PDE3A: variants seen among roughly 807,000 people sequenced by gnomAD.
PDE3A encodes the protein phosphodiesterase 3A.
A neutral mutation model predicts 98.3 loss-of-function variants in PDE3A; 43 were observed. That is an observed-to-expected ratio of 0.44 (90% CI 0.34 to 0.56). The LOEUF is 0.56. Ranked by LOEUF, PDE3A falls within the 20% of genes least tolerant of loss-of-function variation. The pLI is 0.01. For synonymous variants in PDE3A, 663 were observed against 567.9 expected, an observed-to-expected ratio of 1.17 and a Z score of -2.38; for missense variants, 1,427 against 1,440.7, an observed-to-expected ratio of 0.99 and a Z score of 0.15.
chr12:20,625,267 T>A (rs957609910), intron 5 of PDE3A, among the ~76,000 whole-genome samples: 1 of 152,196 alleles, frequency 6.6e-6, no homozygotes, highest in Admixed American at 6.5e-5. Context: ...GTATTTTCAA[T>A]TTTGCTCTTC....
intron 1 of PDE3A, among the ~76,000 whole-genome samples, chr12:20,542,021 G>A (rs1006835103): frequency 6.6e-6 from 1 of 152,028 alleles, no homozygotes; most frequent in African/African-American, 2.4e-5. Context: ...GCCAAGGGTC[G>A]CGTAATGGGG....
At chr12:20,393,893 A>G (rs1315028488) in intron 1 of PDE3A, among the ~76,000 whole-genome samples, 1 of 151,926 alleles carries the variant, frequency 6.6e-6, no homozygotes, top group Non-Finnish European at 1.5e-5. Flanking sequence ...TGTTCTCTCT[A>G]GGGCACCTCC....
At chr12:20,669,170 G>A (rs1220713778) in intron 15 of PDE3A, among the ~76,000 whole-genome samples, 2 of 151,882 alleles carry the variant, frequency 1.3e-5, no homozygotes, top group Admixed American at 6.6e-5. Context: ...AAAGAAACGA[G>A]CAAAGCCTCC....
Position 20,370,166 on chromosome 12 carries a change from C to T in PDE3A, c.882C>T (p.Ser294=), listed in dbSNP as rs760418548. 16 of 1,612,368 alleles carry T rather than the reference C, an allele frequency of 9.9e-6. No homozygotes were observed. The African/African-American group carries it at 1.2e-4, about 12-fold the overall frequency. Residue 294 remains serine (S), a synonymous_variant, in exon 1 of 16, where the codon TCC becomes TCT. Coordinates refer to ENST00000359062, the MANE Select transcript of PDE3A (RefSeq NM_000921.5). Reference sequence around the variant, plus strand: ...TTAAGAGGAGGAGGCGGTCCAGCTCCGTCGTGTCCGCCGAGATGTCCGGCT... The same window carrying T: ...TTAAGAGGAGGAGGCGGTCCAGCTCTGTCGTGTCCGCCGAGATGTCCGGCT... ...PVFKRRRRSS[S]VVSAEMSGCS...
intron 2 of PDE3A, among the ~76,000 whole-genome samples, chr12:20,598,854 T>C (rs948814656): frequency 6.6e-6 from 1 of 152,206 alleles, no homozygotes; most frequent in Non-Finnish European, 1.5e-5. Flanking sequence ...CCTGGGACAT[T>C]CATGCTGTGA....
chr12:20,551,814 G>C, intron 1 of PDE3A: 1 of 1,613,980 alleles, frequency 6.2e-7, no homozygotes, highest in East Asian at 2.2e-5. Flanking sequence ...CCTCACAGCG[G>C]GACTGGGACA....
chr12:20,433,792 T>C (rs1029016918), intron 1 of PDE3A, among the ~76,000 whole-genome samples: 9 of 152,174 alleles, frequency 5.9e-5, no homozygotes, highest in Admixed American at 3.9e-4. Context: ...GCCTTCAGAT[T>C]CATTGTTTGT....
chr12:20,633,849 G>A, intron 7 of PDE3A, 71 bp downstream of exon 7: 3 of 902,242 alleles, frequency 3.3e-6, no homozygotes, highest in South Asian at 1.6e-5. Context: ...GATCAAAACA[G>A]TGATCTACAT....
chr12:20,384,207 T>C (rs1943708998), intron 1 of PDE3A, among the ~76,000 whole-genome samples: 1 of 151,352 alleles, frequency 6.6e-6, no homozygotes, highest in Non-Finnish European at 1.5e-5. Context: ...TTTTCTCTAA[T>C]TTTATCTTCT....
chr12:20,669,309 G>A (rs1387801859), intron 15 of PDE3A, among the ~76,000 whole-genome samples: 1 of 152,098 alleles, frequency 6.6e-6, no homozygotes. Flanking sequence ...CCCCAATCTA[G>A]CAAGGCAGGC....
intron 15 of PDE3A, among the ~76,000 whole-genome samples, chr12:20,654,801 C>G (rs572137817): frequency 6.6e-6 from 1 of 151,958 alleles, no homozygotes; most frequent in South Asian, 2.1e-4. Flanking sequence ...CGTGAGCCAC[C>G]GCGCCCAGCT....
chr12:20,433,543 A>G (rs1944731914), intron 1 of PDE3A, among the ~76,000 whole-genome samples: 1 of 152,184 alleles, frequency 6.6e-6, no homozygotes. Flanking sequence ...TACTCTCTCA[A>G]GGAAGCTGTG....
chr12:20,580,331 C>G (rs1025678569), intron 2 of PDE3A, among the ~76,000 whole-genome samples: 9 of 152,042 alleles, frequency 5.9e-5, no homozygotes, highest in Admixed American at 2.0e-4. Context: ...AATAATAAGG[C>G]ACACAAAAAT....
chr12:20,470,835 G>C (rs1465121105), intron 1 of PDE3A, among the ~76,000 whole-genome samples: 1 of 151,998 alleles, frequency 6.6e-6, no homozygotes, highest in African/African-American at 2.4e-5. Flanking sequence ...TTTGGTGAAG[G>C]GGCCTTTGGC....
intron 15 of PDE3A, among the ~76,000 whole-genome samples, chr12:20,677,953 G>T (rs1945684061): frequency 6.6e-6 from 1 of 151,150 alleles, no homozygotes; most frequent in Non-Finnish European, 1.5e-5. Context: ...ATTTTGCTGG[G>T]GACAGGGATG....
At position 20,369,378 on chromosome 12, in the gene PDE3A, C is replaced by A. The variant is rs1362263603; in HGVS notation, c.94C>A (p.Arg32Ser). 6.5e-7 allele frequency: 1 copy of A among 1,550,164 alleles called. No individual in the cohort carries two copies. Among genetic ancestry groups the A allele is most frequent in the Admixed American group, 1.9e-5 (1 of 51,298 alleles). ...CACGGCGGGCCGGGACTGCCACCATCGTGCGGACCCCGCATCGCCGCGGGA... is the reference window on the plus strand; with the variant it reads ...CACGGCGGGCCGGGACTGCCACCATAGTGCGGACCCCGCATCGCCGCGGGA... ...APTAGRDCHH[R>S]ADPASPRDSG... The change falls in exon 1 of 16, where the codon CGT becomes AGT. Residue 32 changes from arginine (R) to serine (S), a missense_variant. Physicochemically the swap from Arg to Ser is moderately radical, Grantham distance 110 (BLOSUM62 -1). Transcript: ENST00000359062.
intron 2 of PDE3A, among the ~76,000 whole-genome samples, chr12:20,563,716 C>T (rs981511771): frequency 2.6e-5 from 4 of 152,086 alleles, no homozygotes; most frequent in Non-Finnish European, 4.4e-5. Context: ...CTTATACTAA[C>T]GGGGACCACA....
chr12:20,664,386 C>A (rs112590655), intron 15 of PDE3A, among the ~76,000 whole-genome samples: 11 of 152,258 alleles, frequency 7.2e-5, no homozygotes, highest in African/African-American at 2.4e-4. Flanking sequence ...TGGAAAAGAA[C>A]AGACCTCTCT....
intron 1 of PDE3A, among the ~76,000 whole-genome samples, chr12:20,505,509 ATTTAC>A (rs1946101579): frequency 1.3e-5 from 2 of 151,994 alleles, no homozygotes; most frequent in African/African-American, 4.8e-5. Flanking sequence ...GAAGTGTTTT[ATTTAC>A]TTTAATGTAA....
Sources: gnomAD v4.1 joint callset for allele counts (sites outside exome capture counted in the v4.1 genomes callset) on GRCh38, gnomAD v4.1.1 for gene constraint, MANE v1.5 for transcripts, NCBI Gene and HGNC (gene_info 2026-07-23, HGNC 2026-07-21) for gene names.